The following CDC42BPG variants were observed in gnomAD, a reference collection of about 807,000 sequenced individuals.
CDC42BPG encodes CDC42 binding protein kinase gamma, also known as serine/threonine-protein kinase MRCK gamma.
A neutral mutation model predicts 192.2 loss-of-function variants in CDC42BPG; 157 were observed. The ratio of observed to expected loss-of-function variants is 0.82; its 90% confidence interval spans 0.72 to 0.93. The LOEUF is 0.93. Ranked by LOEUF, CDC42BPG falls within the 40% of genes least tolerant of loss-of-function variation. CDC42BPG has a pLI of 0.00. For missense variants in CDC42BPG, 1,992 were observed against 2,122.1 expected, an observed-to-expected ratio of 0.94 and a Z score of 1.20; for synonymous variants, 981 against 918.5, an observed-to-expected ratio of 1.07 and a Z score of -1.23.
In CDC42BPG at chr11:64,844,607, G is replaced by A. The variant is rs1018292579; in HGVS notation, c.-38C>T. ...AGCCTCGCTGCTCGGCTACAGTCTG[G>A]CCGCCCGCATGCCCGCCTGTCGGGC... On this transcript the variant is annotated 5_prime_UTR_variant, in exon 1 of 37. Transcript: ENST00000342711. 2.6e-4 allele frequency: 319 copies of A among 1,235,928 alleles called. 1 individual carries two copies. Among genetic ancestry groups the A allele is most frequent in the Middle Eastern group, 3.1e-4 (1 of 3,184 alleles). 76.6% of individuals were successfully genotyped at this position (1,235,928 alleles called of 1,614,324 possible).
chr11:64,828,166 C>A (rs1332286470), intron 30 of CDC42BPG, among the ~76,000 whole-genome samples: 2 of 152,188 alleles, frequency 1.3e-5, no homozygotes, highest in African/African-American at 4.8e-5. Flanking sequence ...CGGCACCCAA[C>A]CTGCAGGCCC....
chr11:64,835,291 G>A (rs1228515887), intron 16 of CDC42BPG, 56 bp downstream of exon 16: 1 of 1,611,530 alleles, frequency 6.2e-7, no homozygotes, highest in South Asian at 1.1e-5. Context: ...CCCCTCAACT[G>A]GCTCCCCATT....
chr11:64,844,362 C>A (rs945463098), intron 1 of CDC42BPG, 48 bp downstream of exon 1: 1 of 1,336,132 alleles, frequency 7.5e-7, no homozygotes. Flanking sequence ...GGGGTCTCGG[C>A]GCGATATCCC....
chr11:64,835,337 C>A lies in CDC42BPG; in HGVS notation c.1953+10G>T, dbSNP rs200201090. 6.6e-5 allele frequency: 106 copies of A among 1,613,898 alleles called. No individual in the cohort carries two copies. The highest frequency in any genetic ancestry group is 1.7e-5 in the Admixed American group (1 of 60,014). Reference sequence around the variant, plus strand: ...TCTGTTGTACCCTCCGTCTGTTGTACCCTGCTCACCCGCTCCTGCTCCCGG... The same window carrying A: ...TCTGTTGTACCCTCCGTCTGTTGTAACCTGCTCACCCGCTCCTGCTCCCGG... On this transcript the variant is annotated intron_variant, in intron 16 of 36. Transcript: ENST00000342711.
intron 1 of CDC42BPG, among the ~76,000 whole-genome samples, chr11:64,842,832 C>G (rs553741940): frequency 6.6e-6 from 1 of 152,190 alleles, no homozygotes; most frequent in South Asian, 2.1e-4. Flanking sequence ...TGGTCTGGCG[C>G]CCTGCCTCAG....
In CDC42BPG at chr11:64,834,755, C is replaced by A. The variant is rs1942891679; in HGVS notation, c.2175+94G>T. On this transcript the variant is annotated intron_variant, in intron 18 of 36. Coordinates refer to ENST00000342711, the MANE Select transcript of CDC42BPG (RefSeq NM_017525.3). ...ATCTCTCATGAGCTTGGTGTCCCCA[C>A]CTCCAGTAGTGACCTTCAGTAGCAG... The A allele has an allele frequency of 1.0e-5, 14 of 1,378,292 alleles. No individual in the cohort carries two copies. The South Asian group carries it at 1.7e-4, about 17-fold the overall frequency. The allele number at this position is 1,378,292 out of a possible 1,614,324, so 85.4% of individuals were successfully genotyped here.
intron 20 of CDC42BPG, 35 bp downstream of exon 20, chr11:64,834,231 C>A: frequency 6.5e-7 from 1 of 1,535,652 alleles, no homozygotes; most frequent in Non-Finnish European, 8.7e-7. Flanking sequence ...CGCGGGGGAG[C>A]CTGGCTCCGG....
chr11:64,841,261 T>C (rs1483838271), intron 3 of CDC42BPG, among the ~76,000 whole-genome samples: 1 of 151,746 alleles, frequency 6.6e-6, no homozygotes, highest in African/African-American at 2.4e-5. Context: ...GAGACCAGCC[T>C]GTCCAACATA....
At position 64,826,067 on chromosome 11, in the gene CDC42BPG, GA is replaced by G. The variant is rs10692629; in HGVS notation, c.4599+402del. Among the ~76,000 whole-genome samples the G allele has an allele frequency of 1.9e-4, 26 of 133,982 alleles. 1 individual carries two copies. Among genetic ancestry groups the G allele is most frequent in the African/African-American group, 5.7e-4 (20 of 34,866 alleles). The allele number at this position is 133,982 out of a possible 152,430, so 87.9% of individuals were successfully genotyped here. A position where few individuals can be genotyped will look rare whatever the true frequency, so the allele number is the denominator to read the frequency against. ...GGGTGACAGAGTGAGACTCCATCTG[GA>G]AAAAAAAAAAAAAAAAAGAATCCCA... is the stretch of plus-strand genomic sequence containing the variant. On this transcript the variant is annotated intron_variant, in intron 36 of 36. Transcript: ENST00000342711.
intron 17 of CDC42BPG, 30 bp downstream of exon 17, chr11:64,835,017 T>TTCCCCCCCCCCCCCCCC: frequency 1.9e-6 from 3 of 1,571,910 alleles, no homozygotes; most frequent in Non-Finnish European, 2.6e-6. Flanking sequence ...TCGCCTGCGT[T>TTCCCCCCCCCCCCCCCC]CCCCACCCCG....
At chr11:64,833,448 G>T in intron 23 of CDC42BPG, 112 bp from the exon 24 acceptor site, 1 of 962,874 alleles carries the variant, frequency 1.0e-6, no homozygotes, top group Non-Finnish European at 1.5e-6. Context: ...CCGAGTCCCA[G>T]CCAATCTATG....
At chr11:64,834,748 G>T in intron 18 of CDC42BPG, 101 bp downstream of exon 18, 3 of 1,351,018 alleles carry the variant, frequency 2.2e-6, no homozygotes, top group East Asian at 2.3e-5. Context: ...TGAGCTTGGT[G>T]TCCCCACCTC....
Position 64,834,295 on chromosome 11 carries a change from C to A in CDC42BPG, c.2384G>T (p.Arg795Leu). ...TGGCCCTCGGGCCCGCAGCTCCTCCCGCAGCATGGCGAGCTCCTGTTGCAG... is the reference window on the plus strand; with the variant it reads ...TGGCCCTCGGGCCCGCAGCTCCTCCAGCAGCATGGCGAGCTCCTGTTGCAG... ...QALQQELAML[R>L]EELRARGPVD... Residue 795 changes from arginine to leucine, a missense_variant, in exon 20 of 37, where the codon CGG becomes CTG. Arg to Leu is a moderately radical substitution (Grantham distance 102, BLOSUM62 -2). This residue lies in a region of CDC42BPG where 1,656 missense variants were observed against 1,844.3 expected (regional missense o/e 0.90). Transcript: ENST00000342711. 6.3e-7 allele frequency: 1 copy of A among 1,578,772 alleles called. No homozygotes were observed. The highest frequency in any genetic ancestry group is 2.3e-5 in the East Asian group (1 of 42,698).
chr11:64,826,951 G>T, intron 34 of CDC42BPG, 99 bp downstream of exon 34: 1 of 1,157,614 alleles, frequency 8.6e-7, no homozygotes, highest in Non-Finnish European at 1.3e-6. Flanking sequence ...GGCCTTAGGA[G>T]TAATTACAGC....
chr11:64,830,345 T>C, intron 28 of CDC42BPG, 89 bp from the exon 29 acceptor site: 1 of 1,106,690 alleles, frequency 9.0e-7, no homozygotes, highest in Non-Finnish European at 1.3e-6. Flanking sequence ...TGTGCCTGTT[T>C]ATCTTGAGGA....
At chr11:64,840,763 C>A in intron 3 of CDC42BPG, 115 bp from the exon 4 acceptor site, 5 of 781,582 alleles carry the variant, frequency 6.4e-6, no homozygotes, top group African/African-American at 1.7e-5. Context: ...AGATGGAGGT[C>A]ATAGCTCTAC....
In CDC42BPG at chr11:64,833,258, G is replaced by A. The variant is rs777187499; in HGVS notation, c.2704C>T (p.Leu902=). 8 of 1,549,298 alleles carry A rather than the reference G, an allele frequency of 5.2e-6. No individual in the cohort carries two copies. The South Asian group carries it at 7.1e-5, about 14-fold the overall frequency. ...TCACAACCCAGGCCCTGGCGGCCCA[G>A]GCCCAGCATCAGCGAGGTGCAGCGG... ...CLRCTSLMLG[L]GRQGLGCDAC... Residue 902 remains leucine (L), a synonymous_variant, in exon 24 of 37, where the codon CTG becomes TTG. Coordinates refer to ENST00000342711, the MANE Select transcript of CDC42BPG (RefSeq NM_017525.3).
chr11:64,825,823 T>G (rs1942391846), intron 36 of CDC42BPG, among the ~76,000 whole-genome samples: 1 of 152,166 alleles, frequency 6.6e-6, no homozygotes, highest in South Asian at 2.1e-4. Context: ...CCCAACACTT[T>G]GGGAGGCCAA....
At chr11:64,836,029 C>T in intron 13 of CDC42BPG, 88 bp downstream of exon 13, 4 of 1,424,220 alleles carry the variant, frequency 2.8e-6, no homozygotes, top group East Asian at 2.5e-5. Context: ...AACCGGGAGG[C>T]AGCATCTCCC....
Sources: gnomAD v4.1 joint callset for allele counts (sites outside exome capture counted in the v4.1 genomes callset) on GRCh38, gnomAD v4.1.1 for gene constraint, gnomAD v4.1.1 regional missense constraint, MANE v1.5 for transcripts, NCBI Gene and HGNC (gene_info 2026-07-23, HGNC 2026-07-21) for gene names.